Variants in MTUS1 observed in about 807,000 individuals in gnomAD.
The protein encoded by MTUS1 is microtubule-associated tumor suppressor 1.
MTUS1 carries 109 observed loss-of-function variants against 120.8 expected under a neutral mutation model. That is an observed-to-expected ratio of 0.90 (90% CI 0.77 to 1.06). MTUS1 has a LOEUF of 1.06. Ranked by LOEUF, MTUS1 falls within the 50% of genes least tolerant of loss-of-function variation. The pLI is 0.00. For synonymous variants in MTUS1, 737 were observed against 550.5 expected, an observed-to-expected ratio of 1.34 and a Z score of -4.74; for missense variants, 2,210 against 1,486.3, an observed-to-expected ratio of 1.49 and a Z score of -8.01.
In MTUS1 at chr8:17,713,223, G is replaced by A; in HGVS notation, c.2614C>T (p.Leu872Phe). ...TAAAGTGGTCACTCACCTGCATTAAGAGCTGTAAATAAATTTTTTCTCGAA... is the reference window on the plus strand; with the variant it reads ...TAAAGTGGTCACTCACCTGCATTAAAAGCTGTAAATAAATTTTTTCTCGAA... ...GPSRKNLFTALNAVEKSRQKN... is the reference protein window; with the variant it reads ...GPSRKNLFTAFNAVEKSRQKN... Residue 872 changes from leucine (L) to phenylalanine (F), a missense_variant, in exon 6 of 15, where the codon CTT becomes TTT. Transcript: ENST00000693296. 1.3e-6 allele frequency: 2 copies of A among 1,598,902 alleles called. No individual in the cohort carries two copies. The highest frequency in any genetic ancestry group is 1.7e-6 in the Non-Finnish European group (2 of 1,168,680).
At chr8:17,692,761 A>T (rs574687060) in intron 6 of MTUS1, among the ~76,000 whole-genome samples, 1 of 152,236 alleles carries the variant, frequency 6.6e-6, no homozygotes, top group Non-Finnish European at 1.5e-5. Context: ...CTGTACAATA[A>T]ACTATTTATT....
At position 17,754,172 on chromosome 8, in the gene MTUS1, T is replaced by C; in HGVS notation, c.1636A>G (p.Asn546Asp). The C allele has an allele frequency of 6.2e-7, 1 of 1,614,034 alleles. No individual in the cohort carries two copies. The highest frequency in any genetic ancestry group is 8.5e-7 in the Non-Finnish European group (1 of 1,180,050). ...QTSASSPSSV[N>D]SRQQTVLSRT... is the part of the protein sequence containing the mutation. ...CTCAAGACTGTTTGTTGTCTTGAAT[T>C]CACTGATGAGGGTGATGAGGCACTG... The change falls in exon 2 of 15, where the codon AAT becomes GAT. Residue 546 changes from asparagine to aspartate, a missense_variant. Coordinates refer to ENST00000693296, the MANE Select transcript of MTUS1 (RefSeq NM_001363059.2).
At chr8:17,767,429 G>C (rs918534914) in intron 1 of MTUS1, among the ~76,000 whole-genome samples, 1 of 151,808 alleles carries the variant, frequency 6.6e-6, no homozygotes, top group Non-Finnish European at 1.5e-5. Context: ...GGGTACAGTG[G>C]CTCATAGCTG....
chr8:17,755,768 A>G lies in MTUS1; in HGVS notation c.40T>C (p.Leu14=), dbSNP rs1262430471. The part of the protein sequence containing the change: ...DNSDDKIEDE[L]QTFFTSDKDG... Reference sequence around the variant, plus strand: ...TTATCACTGGTAAAGAAGGTTTGCAATTCATCTTCTATTTTATCATCTGAA... The same window carrying G: ...TTATCACTGGTAAAGAAGGTTTGCAGTTCATCTTCTATTTTATCATCTGAA... Residue 14 remains leucine (L), a synonymous_variant, in exon 2 of 15, where the codon TTG becomes CTG. Transcript: ENST00000693296. 1.2e-6 allele frequency: 2 copies of G among 1,613,730 alleles called. No homozygotes were observed. The highest frequency in any genetic ancestry group is 1.7e-6 in the Non-Finnish European group (2 of 1,179,938).
chr8:17,764,094 G>T (rs888436023), intron 1 of MTUS1, among the ~76,000 whole-genome samples: 1 of 152,170 alleles, frequency 6.6e-6, no homozygotes, highest in East Asian at 1.9e-4. Flanking sequence ...GGTGGGGAAA[G>T]AACAGTGATG....
At chr8:17,679,205 C>A in intron 7 of MTUS1, among the ~76,000 whole-genome samples, 1 of 58,472 alleles carries the variant, frequency 1.7e-5, no homozygotes, top group Admixed American at 2.1e-4. Flanking sequence ...TATATACACA[C>A]ACACACACAA....
At chr8:17,676,581 A>G in intron 7 of MTUS1, 2 of 548,262 alleles carry the variant, frequency 3.6e-6, no homozygotes, top group Admixed American at 3.3e-5. Context: ...ACAGCCTTTC[A>G]TTTATGAAAA....
At chr8:17,661,460 C>G (rs1053262820) in intron 8 of MTUS1, among the ~76,000 whole-genome samples, 2 of 152,138 alleles carry the variant, frequency 1.3e-5, no homozygotes, top group African/African-American at 4.8e-5. Flanking sequence ...AAGCCCTGGG[C>G]TAGAAGAGCT....
At chr8:17,752,546 T>A (rs887573750) in intron 2 of MTUS1, among the ~76,000 whole-genome samples, 2 of 152,236 alleles carry the variant, frequency 1.3e-5, no homozygotes, top group African/African-American at 4.8e-5. Flanking sequence ...AGCCCAAACA[T>A]GTCTAAACTG....
chr8:17,798,553 C>T lies in MTUS1; in HGVS notation c.-155+2508G>A, dbSNP rs556287968. On this transcript the variant is annotated intron_variant, in intron 1 of 14. Transcript: ENST00000693296. ...TTCACCATGTTGCCCAGGCTGGTCT[C>T]GAACCCCTGACCTCCTGATCCGCCC... 9.2e-5 allele frequency among the ~76,000 whole-genome samples: 14 copies of T among 152,260 alleles called. No individual in the cohort carries two copies. The East Asian group carries it at 1.9e-3, about 21-fold the overall frequency.
chr8:17,696,224 A>G (rs1817916742), intron 6 of MTUS1, among the ~76,000 whole-genome samples: 2 of 152,168 alleles, frequency 1.3e-5, no homozygotes, highest in Admixed American at 1.3e-4. Flanking sequence ...AAATCAAATG[A>G]CAGGTCAAGG....
chr8:17,647,157 C>A (rs1805993073), intron 13 of MTUS1, 78 bp from the exon 14 acceptor site: 3 of 1,065,228 alleles, frequency 2.8e-6, no homozygotes, highest in Non-Finnish European at 2.8e-6. Context: ...CCTCACGACA[C>A]AAGCACACTT....
rs112058046 is a variant in MTUS1, at chr8:17,738,866, T to C, written c.2287+4738A>G. Among the ~76,000 whole-genome samples, 910 of 152,132 alleles carry C rather than the reference T, an allele frequency of 6.0e-3. 4 individuals are homozygous for C. Among genetic ancestry groups the C allele is most frequent in the African/African-American group, 0.018 (730 of 41,496 alleles). On this transcript the variant is annotated intron_variant, in intron 3 of 14. Transcript: ENST00000693296. ...AAAAAAATTAAACGTTAGCCTGGTG[T>C]GGTGGTTCATGCCTGTCATCTCGGT...
intron 6 of MTUS1, among the ~76,000 whole-genome samples, chr8:17,687,056 G>T (rs143492687): frequency 6.6e-6 from 1 of 152,210 alleles, no homozygotes; most frequent in African/African-American, 2.4e-5. Flanking sequence ...CATTACGCAG[G>T]GTTTGTAAGT....
At chr8:17,779,941 T>C (rs1321798162) in intron 1 of MTUS1, among the ~76,000 whole-genome samples, 1 of 152,212 alleles carries the variant, frequency 6.6e-6, no homozygotes, top group Non-Finnish European at 1.5e-5. Flanking sequence ...CATCTCCACT[T>C]ACATGTTTAA....
intron 7 of MTUS1, among the ~76,000 whole-genome samples, chr8:17,682,499 C>CG (rs1204671942): frequency 4.2e-5 from 5 of 118,850 alleles, no homozygotes; most frequent in Non-Finnish European, 6.5e-5. Flanking sequence ...GTCTGAGTGA[C>CG]AGAGCAAGAC....
At chr8:17,738,478 C>T (rs969256812) in intron 3 of MTUS1, among the ~76,000 whole-genome samples, 5 of 152,128 alleles carry the variant, frequency 3.3e-5, no homozygotes, top group South Asian at 2.1e-4. Context: ...AGAGTGAAGG[C>T]GGGTCTCTCT....
At chr8:17,697,607 C>T in intron 6 of MTUS1, 1 of 1,301,266 alleles carries the variant, frequency 7.7e-7, no homozygotes, top group Non-Finnish European at 9.8e-7. Context: ...AAATGATGCT[C>T]TTCCTCTGAA....
chr8:17,652,988 C>T (rs67828019), intron 12 of MTUS1, among the ~76,000 whole-genome samples, 198 bp downstream of exon 12: 12,840 of 152,048 alleles, frequency 0.084, 644 homozygotes, highest in Middle Eastern at 0.12. Context: ...GGACTTCATC[C>T]GTATGTCAGA....
Sources: allele counts gnomAD v4.1 joint callset (sites outside exome capture counted in the v4.1 genomes callset), GRCh38; gene constraint gnomAD v4.1.1; transcripts MANE v1.5; gene names NCBI Gene and HGNC (gene_info 2026-07-23, HGNC 2026-07-21).